SGCZ: variants seen among roughly 807,000 people sequenced by gnomAD.
The protein encoded by SGCZ is zeta-sarcoglycan.
Under a neutral mutation model 41.3 loss-of-function variants are expected in SGCZ, and 40 were observed. The observed-to-expected ratio is 0.97, with a 90% CI of 0.75 to 1.26. SGCZ has a LOEUF of 1.26. Among genes scored for constraint, SGCZ ranks in the 50% most tolerant of loss-of-function variants. The pLI is 0.00. For missense variants in SGCZ, 552 were observed against 369.8 expected (o/e 1.49, Z -4.04); for synonymous variants, 206 against 137.5 (o/e 1.50, Z -3.49).
At chr8:15,167,075 G>A (rs867582070) in intron 1 of SGCZ, among the ~76,000 whole-genome samples, 22 of 151,836 alleles carry the variant, frequency 1.4e-4, no homozygotes, top group African/African-American at 4.8e-4. Context: ...TTTAATAATT[G>A]AGTAAGGTAT....
At position 14,898,587 on chromosome 8, in the gene SGCZ, G is replaced by C. The variant is rs372634079; in HGVS notation, c.39+338998C>G. Among the ~76,000 whole-genome samples, 30 of 152,266 alleles carry C rather than the reference G, an allele frequency of 2.0e-4. 1 individual carries two copies. In the East Asian group the frequency reaches 3.7e-3, roughly 19 times the overall value. On this transcript the variant is annotated intron_variant, in intron 1 of 7. Transcript: ENST00000382080. ...AGAATAATGGGAAAGATGGTTATTG[G>C]ACTTGGGTGACAGGAATAGAAGTGA...
chr8:14,561,897 T>C (rs1422409953), intron 1 of SGCZ, among the ~76,000 whole-genome samples: 1 of 152,164 alleles, frequency 6.6e-6, no homozygotes, highest in Non-Finnish European at 1.5e-5. Flanking sequence ...TACATGTCAA[T>C]TTTTGGACAT....
chr8:15,073,886 G>A (rs866815513), intron 1 of SGCZ, among the ~76,000 whole-genome samples: 5 of 152,128 alleles, frequency 3.3e-5, no homozygotes, highest in African/African-American at 4.8e-5. Flanking sequence ...CCCACCATGT[G>A]GTGGTATGTT....
chr8:14,664,544 C>G (rs767296375), intron 1 of SGCZ, among the ~76,000 whole-genome samples: 1 of 152,122 alleles, frequency 6.6e-6, no homozygotes, highest in Non-Finnish European at 1.5e-5. Flanking sequence ...GAGAACAAAA[C>G]ACAACATCAT....
intron 2 of SGCZ, among the ~76,000 whole-genome samples, chr8:14,536,193 G>A (rs1803291393): frequency 6.6e-6 from 1 of 151,770 alleles, no homozygotes; most frequent in South Asian, 2.1e-4. Flanking sequence ...ATACTCTAAT[G>A]AAAAGGTACA....
chr8:15,104,352 G>T (rs562091500), intron 1 of SGCZ, among the ~76,000 whole-genome samples: 15 of 152,206 alleles, frequency 9.9e-5, no homozygotes, highest in Non-Finnish European at 5.9e-5. Context: ...AAAGCTACAA[G>T]GATTTGTAAA....
At chr8:15,147,562 G>A (rs1585612471) in intron 1 of SGCZ, among the ~76,000 whole-genome samples, 3 of 152,206 alleles carry the variant, frequency 2.0e-5, no homozygotes, top group Admixed American at 2.0e-4. Flanking sequence ...ACAGGCGTGA[G>A]CTGCCGTACC....
chr8:14,856,432 T>TTG (rs200749607), intron 1 of SGCZ, among the ~76,000 whole-genome samples: 1,939 of 152,238 alleles, frequency 0.013, 30 homozygotes, highest in Middle Eastern at 0.068. Context: ...TTCAGCACTA[T>TTG]CACATATTCA....
intron 1 of SGCZ, among the ~76,000 whole-genome samples, chr8:14,780,581 G>C (rs1332176049): frequency 1.3e-5 from 2 of 152,002 alleles, no homozygotes; most frequent in African/African-American, 4.8e-5. Context: ...AAATACTGAA[G>C]TTTTCCTGGA....
At chr8:14,221,586 A>G (rs2117122310) in intron 4 of SGCZ, among the ~76,000 whole-genome samples, 1 of 152,302 alleles carries the variant, frequency 6.6e-6, no homozygotes, top group African/African-American at 2.4e-5. Flanking sequence ...TGTTTGAATT[A>G]CCATTACAAT....
chr8:14,904,888 C>G (rs1761420482), intron 1 of SGCZ, among the ~76,000 whole-genome samples: 6 of 151,930 alleles, frequency 3.9e-5, no homozygotes, highest in Admixed American at 3.3e-4. Context: ...GATAACCATT[C>G]TTTATCTTTC....
At chr8:14,664,120 T>C (rs1807835532) in intron 1 of SGCZ, among the ~76,000 whole-genome samples, 1 of 152,194 alleles carries the variant, frequency 6.6e-6, no homozygotes, top group Non-Finnish European at 1.5e-5. Flanking sequence ...TGGTTCCAAG[T>C]TAGTTTCCCA....
intron 1 of SGCZ, among the ~76,000 whole-genome samples, chr8:15,032,598 C>A (rs918666203): frequency 1.3e-5 from 2 of 152,130 alleles, no homozygotes; most frequent in African/African-American, 4.8e-5. Flanking sequence ...CTCTGGGACA[C>A]CCCAGCACTG....
intron 1 of SGCZ, among the ~76,000 whole-genome samples, chr8:14,747,813 A>G (rs575852263): frequency 6.7e-6 from 1 of 149,668 alleles, no homozygotes; most frequent in Admixed American, 6.7e-5. Context: ...CCCACGTTCA[A>G]TCGATTCTCC....
chr8:14,138,676 C>T (rs1475164543), intron 5 of SGCZ, among the ~76,000 whole-genome samples: 4 of 152,224 alleles, frequency 2.6e-5, no homozygotes, highest in Admixed American at 6.5e-5. Flanking sequence ...TACAGGAGCA[C>T]CCAGATTCAT....
intron 1 of SGCZ, among the ~76,000 whole-genome samples, chr8:14,914,407 C>T (rs577067380): frequency 2.6e-5 from 4 of 152,072 alleles, no homozygotes; most frequent in African/African-American, 9.6e-5. Flanking sequence ...TGTATTTATG[C>T]TCCTGGTTAC....
At chr8:14,413,089 A>T (rs1799404303) in intron 2 of SGCZ, among the ~76,000 whole-genome samples, 1 of 152,068 alleles carries the variant, frequency 6.6e-6, no homozygotes, top group African/African-American at 2.4e-5. Context: ...TGCATTAAAA[A>T]AATTGACCAA....
Position 14,517,921 on chromosome 8 carries a change from C to G in SGCZ, c.234+36811G>C, listed in dbSNP as rs17119592. Among the ~76,000 whole-genome samples, 1,435 of 151,338 alleles carry G rather than the reference C, an allele frequency of 9.5e-3. 27 individuals carry two copies. Among genetic ancestry groups the G allele is most frequent in the African/African-American group, 0.032 (1,331 of 41,380 alleles). ...CCCTATTTTTCATAAGTGTTTGTTTCTTCTCATATTTTTCTCTTTAAATAA... is the reference window on the plus strand; with the variant it reads ...CCCTATTTTTCATAAGTGTTTGTTTGTTCTCATATTTTTCTCTTTAAATAA... On this transcript the variant is annotated intron_variant, in intron 2 of 7. Coordinates refer to ENST00000382080, the MANE Select transcript of SGCZ (RefSeq NM_139167.4).
intron 1 of SGCZ, among the ~76,000 whole-genome samples, chr8:15,030,203 A>T (rs754746908): frequency 6.6e-6 from 1 of 152,144 alleles, no homozygotes; most frequent in East Asian, 1.9e-4. Flanking sequence ...ATGATTCATA[A>T]GGGGTTATCT....
Sources: allele counts gnomAD v4.1 joint callset (sites outside exome capture counted in the v4.1 genomes callset), GRCh38; gene constraint gnomAD v4.1.1; transcripts MANE v1.5; gene names NCBI Gene and HGNC (gene_info 2026-07-23, HGNC 2026-07-21).